Variants in CDH23 observed in about 807,000 individuals in gnomAD.
CDH23 encodes cadherin related 23.
Under a neutral mutation model 317.1 loss-of-function variants are expected in CDH23, and 189 were observed. That is an observed-to-expected ratio of 0.60 (90% CI 0.53 to 0.67). CDH23 has a LOEUF of 0.67. Among genes scored for constraint, CDH23 ranks in the 30% least tolerant of loss-of-function variants. CDH23 has a pLI of 0.00. For synonymous variants in CDH23, 1,839 were observed against 1,876.8 expected (o/e 0.98, Z 0.52); for missense variants, 4,401 against 4,592.4 (o/e 0.96, Z 1.20).
At chr10:71,553,311 C>G (rs114727960) in intron 6 of CDH23, among the ~76,000 whole-genome samples, 4,781 of 152,250 alleles carry the variant, frequency 0.031, 252 homozygotes, top group African/African-American at 0.11. Context: ...TCTCCTCAAA[C>G]CCCCCGGCCC....
At chr10:71,799,442 C>A in intron 51 of CDH23, 50 bp from the exon 52 acceptor site, 1 of 1,613,004 alleles carries the variant, frequency 6.2e-7, no homozygotes, top group Non-Finnish European at 8.5e-7. Context: ...TGTGCTCGGG[C>A]TCTGGGACTG....
chr10:71,507,155 C>A (rs1004032076), intron 3 of CDH23, among the ~76,000 whole-genome samples: 1 of 152,154 alleles, frequency 6.6e-6, no homozygotes, highest in Non-Finnish European at 1.5e-5. Context: ...GTGAGGATTG[C>A]GGTCCAGGGG....
At chr10:71,494,099 T>G (rs960208961) in intron 3 of CDH23, among the ~76,000 whole-genome samples, 8 of 152,146 alleles carry the variant, frequency 5.3e-5, no homozygotes, top group Admixed American at 3.3e-4. Flanking sequence ...TGTTGTTCAT[T>G]TGCTTCCTAT....
Position 71,807,381 on chromosome 10 carries a change from C to A in CDH23, c.8283C>A (p.Asn2761Lys), listed in dbSNP as rs397517357. ...TGAVDADEGPNAIVYYFIAAG... is the reference protein window; with the variant it reads ...TGAVDADEGPKAIVYYFIAAG... The stretch of plus-strand genomic sequence containing the variant: ...CAGTGGATGCAGATGAGGGCCCCAA[C>A]GCGATCGTGTACTACTTCATCGCAG... The change falls in exon 58 of 70, where the codon AAC becomes AAA. Residue 2761 changes from asparagine to lysine, a missense_variant. This residue lies in a region of CDH23 where 1,144 missense variants were observed against 1,138.2 expected (regional missense o/e 1.01). Transcript: ENST00000224721. The A allele has an allele frequency of 1.7e-5, 28 of 1,613,794 alleles. No homozygotes were observed. Among genetic ancestry groups the A allele is most frequent in the Non-Finnish European group, 1.9e-5 (22 of 1,179,846 alleles).
At chr10:71,707,665 G>A (rs181632175) in intron 26 of CDH23, among the ~76,000 whole-genome samples, 91 of 152,248 alleles carry the variant, frequency 6.0e-4, no homozygotes, top group South Asian at 1.2e-3. Flanking sequence ...GCCATTCCTG[G>A]ATGAGAACAC....
chr10:71,705,062 A>G lies in CDH23; in HGVS notation c.2885A>G (p.Gln962Arg). 6.2e-7 allele frequency: 1 copy of G among 1,612,482 alleles called. No homozygotes were observed. Among genetic ancestry groups the G allele is most frequent in the Non-Finnish European group, 8.5e-7 (1 of 1,179,776 alleles). The change falls in exon 25 of 70, where the codon CAG (glutamine) becomes CGG (arginine). Residue 962 changes from glutamine to arginine, a missense_variant. Coordinates refer to ENST00000224721, the MANE Select transcript of CDH23 (RefSeq NM_022124.6). ...ELDRERIAEY[Q>R]LRVVASDAGT... ...GACCGCGAGCGCATCGCGGAGTACC[A>G]GCTGCGGGTGGTGGCCAGTGATGCA...
At chr10:71,778,108 G>A (rs1290876184) in intron 39 of CDH23, 81 bp from the exon 40 acceptor site, 1 of 1,573,524 alleles carries the variant, frequency 6.4e-7, no homozygotes, top group African/African-American at 1.4e-5. Flanking sequence ...CAATGTCAGG[G>A]CCTACTTCCC....
chr10:71,632,202 GGCACCA>G (rs1370376486), intron 11 of CDH23, among the ~76,000 whole-genome samples: 3 of 152,198 alleles, frequency 2.0e-5, no homozygotes, highest in Non-Finnish European at 2.9e-5. Context: ...TGAAGTGAGA[GGCACCA>G]GCATGAGCAG....
At chr10:71,632,813 C>G (rs12570254) in intron 11 of CDH23, among the ~76,000 whole-genome samples, 2,832 of 152,248 alleles carry the variant, frequency 0.019, 187 homozygotes, top group East Asian at 0.16. Context: ...CTCTCTGTCT[C>G]TCACCTGCCT....
At chr10:71,530,435 C>G (rs1357433321) in intron 6 of CDH23, among the ~76,000 whole-genome samples, 4 of 152,372 alleles carry the variant, frequency 2.6e-5, no homozygotes, top group Middle Eastern at 6.8e-3. Flanking sequence ...CCAAGCCGTT[C>G]TCCACCCGCC....
chr10:71,467,474 C>G (rs1851309053), intron 3 of CDH23, among the ~76,000 whole-genome samples: 1 of 152,298 alleles, frequency 6.6e-6, no homozygotes, highest in Non-Finnish European at 1.5e-5. Flanking sequence ...TTGAGAACTA[C>G]TGATGCACAC....
At chr10:71,813,407 T>C in intron 69 of CDH23, 59 bp downstream of exon 69, 1 of 1,387,706 alleles carries the variant, frequency 7.2e-7, no homozygotes, top group South Asian at 1.2e-5. Flanking sequence ...ATGCTCTCTG[T>C]CTCTTGCTGT....
At chr10:71,454,266 AT>A (rs1480453208) in intron 3 of CDH23, among the ~76,000 whole-genome samples, 2 of 152,226 alleles carry the variant, frequency 1.3e-5, no homozygotes, top group Admixed American at 6.5e-5. Flanking sequence ...CTTTGGGTTT[AT>A]GTGAATATTA....
chr10:71,581,762 G>A (rs1039620761), intron 9 of CDH23, among the ~76,000 whole-genome samples: 1 of 152,206 alleles, frequency 6.6e-6, no homozygotes, highest in Admixed American at 6.5e-5. Context: ...TTTCTTGGGG[G>A]CCTGACCAAA....
Position 71,760,251 on chromosome 10 carries a change from G to GTA in CDH23, c.4846-17421_4846-17420dup, listed in dbSNP as rs1412423013. ...TATATGTATATACATATATATGTAT[G>GTA]TATATATATGTATATACATATATAT... On this transcript the variant is annotated intron_variant, in intron 38 of 69. Coordinates refer to ENST00000224721, the MANE Select transcript of CDH23 (RefSeq NM_022124.6). Among the ~76,000 whole-genome samples, 6 of 85,424 alleles carry GTA rather than the reference G, an allele frequency of 7.0e-5. 2 individuals carry two copies. The highest frequency in any genetic ancestry group is 1.0e-4 in the Non-Finnish European group (4 of 39,970). 56.0% of individuals were successfully genotyped at this position (85,424 alleles called of 152,430 possible). A position where few individuals can be genotyped will look rare whatever the true frequency, so the allele number is the denominator to read the frequency against.
At chr10:71,668,984 T>C (rs928639984) in intron 14 of CDH23, among the ~76,000 whole-genome samples, 2 of 152,218 alleles carry the variant, frequency 1.3e-5, no homozygotes, top group Admixed American at 1.3e-4. Context: ...AATGCCAGCA[T>C]TGGGGAGAAT....
chr10:71,511,691 C>T, intron 6 of CDH23: 1 of 211,390 alleles, frequency 4.7e-6, no homozygotes, highest in South Asian at 9.2e-5. Flanking sequence ...GGCCCCTGTA[C>T]TGTGTACTCT....
In CDH23 at chr10:71,682,530, C is replaced by A. The variant is rs1864696797; in HGVS notation, c.1944C>A (p.Asn648Lys). ...YLTVMAMDAG[N>K]PPLNSTVPVT... is the part of the protein sequence containing the mutation. The stretch of plus-strand genomic sequence containing the variant: ...CGGTCATGGCCATGGATGCTGGCAA[C>A]CCCCCTCTCAACAGCACCGTCCCTG... The change falls in exon 18 of 70, where the codon AAC (asparagine) becomes AAA (lysine). Residue 648 changes from asparagine to lysine, a missense_variant. Asn to Lys is a moderately conservative substitution (Grantham distance 94). Coordinates refer to ENST00000224721, the MANE Select transcript of CDH23 (RefSeq NM_022124.6). 5.0e-6 allele frequency: 8 copies of A among 1,613,622 alleles called. 1 individual carries two copies.
At chr10:71,441,351 C>T (rs931576398) in intron 2 of CDH23, among the ~76,000 whole-genome samples, 1 of 152,138 alleles carries the variant, frequency 6.6e-6, no homozygotes, top group African/African-American at 2.4e-5. Flanking sequence ...TCTTCAGCCT[C>T]CCCGGGGACT....
Sources: gnomAD v4.1 joint callset for allele counts (sites outside exome capture counted in the v4.1 genomes callset) on GRCh38, gnomAD v4.1.1 for gene constraint, gnomAD v4.1.1 regional missense constraint, MANE v1.5 for transcripts, NCBI Gene and HGNC (gene_info 2026-07-23, HGNC 2026-07-21) for gene names.